FRMD6: variants seen among roughly 807,000 people sequenced by gnomAD.
FRMD6 encodes the protein FERM domain-containing protein 6.
FRMD6 carries 37 observed loss-of-function variants against 73.2 expected under a neutral mutation model. The observed-to-expected ratio is 0.51, with a 90% CI of 0.39 to 0.66. The LOEUF (loss-of-function observed/expected upper bound fraction) is 0.66, where lower values mean the gene tolerates loss of function less well. Ranked by LOEUF, FRMD6 falls within the 30% of genes least tolerant of loss-of-function variation. FRMD6 has a pLI of 0.00. For synonymous variants in FRMD6, 273 were observed against 282.2 expected, an observed-to-expected ratio of 0.97 and a Z score of 0.33; for missense variants, 714 against 780.5, an observed-to-expected ratio of 0.91 and a Z score of 1.02.
At chr14:51,670,308 G>A (rs1172782493) in intron 1 of FRMD6, among the ~76,000 whole-genome samples, 4 of 152,072 alleles carry the variant, frequency 2.6e-5, no homozygotes, top group African/African-American at 9.7e-5. Flanking sequence ...GGCCTCAAGT[G>A]CTCCTCCCAC....
intron 1 of FRMD6, among the ~76,000 whole-genome samples, chr14:51,537,866 T>C (rs902053138): frequency 1.3e-5 from 2 of 152,218 alleles, no homozygotes; most frequent in Admixed American, 1.3e-4. Context: ...CGTTTTTTAT[T>C]GCTGACTTTT....
At chr14:51,680,152 A>G (rs1894699470) in intron 1 of FRMD6, among the ~76,000 whole-genome samples, 1 of 152,192 alleles carries the variant, frequency 6.6e-6, no homozygotes, top group South Asian at 2.1e-4. Flanking sequence ...GAAAAGCCTT[A>G]TATTTCAGGA....
intron 2 of FRMD6, among the ~76,000 whole-genome samples, chr14:51,579,515 T>A (rs1053176850): frequency 6.6e-6 from 1 of 152,198 alleles, no homozygotes; most frequent in Non-Finnish European, 1.5e-5. Flanking sequence ...TCACCAATAA[T>A]GTGTTTATTT....
At chr14:51,590,062 C>CAAAAAAAAA (rs529602796) in intron 2 of FRMD6, among the ~76,000 whole-genome samples, 1 of 82,586 alleles carries the variant, frequency 1.2e-5, no homozygotes, top group Non-Finnish European at 2.9e-5. Flanking sequence ...GAGCGAAACT[C>CAAAAAAAAA]AAAAAAAAAA....
At position 51,728,370 on chromosome 14, in the gene FRMD6, C is replaced by CG; in HGVS notation, c.*341_*342insG. ...TTTAGTTCAGTTACATGTAACATCA[C>CG]ATTTTTTTATCACGTGAAAGATGTT... On this transcript the variant is annotated 3_prime_UTR_variant, in exon 14 of 14. Transcript: ENST00000344768. 2 of 197,742 alleles carry CG rather than the reference C, an allele frequency of 1.0e-5. No homozygotes were observed. Among genetic ancestry groups the CG allele is most frequent in the Admixed American group, 1.1e-4 (2 of 17,758 alleles). 12.2% of individuals were successfully genotyped at this position (197,742 alleles called of 1,614,324 possible).
intron 1 of FRMD6, among the ~76,000 whole-genome samples, chr14:51,558,079 G>A (rs1476435665): frequency 6.6e-6 from 1 of 152,086 alleles, no homozygotes; most frequent in African/African-American, 2.4e-5. Context: ...CAATTGTATA[G>A]TTGTCTTTTA....
chr14:51,462,920 G>A, the FRMD6 span, among the ~76,000 whole-genome samples: 1 of 152,194 alleles, frequency 6.6e-6, no homozygotes, highest in Non-Finnish European at 1.5e-5. Context: ...GTGACATTAA[G>A]CAAGTAACTG....
At chr14:51,458,417 A>C in the FRMD6 span, among the ~76,000 whole-genome samples, 1 of 152,166 alleles carries the variant, frequency 6.6e-6, no homozygotes, top group African/African-American at 2.4e-5. Context: ...TCTTATCTTC[A>C]AGCTGTTCAG....
chr14:51,414,934 A>G, the FRMD6 span, among the ~76,000 whole-genome samples: 2 of 152,144 alleles, frequency 1.3e-5, no homozygotes, highest in Admixed American at 6.5e-5. Flanking sequence ...GAGTTCACTC[A>G]TGATTTGGCT....
chr14:51,582,217 T>C (rs1888765262), intron 2 of FRMD6, among the ~76,000 whole-genome samples: 1 of 152,208 alleles, frequency 6.6e-6, no homozygotes, highest in South Asian at 2.1e-4. Flanking sequence ...TTGGTTTGTT[T>C]ATGTGGGGAA....
chr14:51,679,061 T>C (rs2140290532), intron 1 of FRMD6, among the ~76,000 whole-genome samples: 1 of 152,250 alleles, frequency 6.6e-6, no homozygotes, highest in South Asian at 2.1e-4. Context: ...CCTGTGGATG[T>C]GCTGAACTGT....
At chr14:51,442,691 T>C in the FRMD6 span, among the ~76,000 whole-genome samples, 2 of 152,248 alleles carry the variant, frequency 1.3e-5, no homozygotes, top group South Asian at 2.1e-4. Context: ...AGGAAATGTT[T>C]GTTGACATAT....
intron 1 of FRMD6, among the ~76,000 whole-genome samples, chr14:51,555,308 A>G (rs189847014): frequency 6.6e-6 from 1 of 152,354 alleles, no homozygotes; most frequent in Non-Finnish European, 1.5e-5. Context: ...CAGTTAGTTC[A>G]CATTGTAAAT....
At chr14:51,428,634 A>G in the FRMD6 span, among the ~76,000 whole-genome samples, 5 of 152,080 alleles carry the variant, frequency 3.3e-5, no homozygotes, top group South Asian at 2.1e-4. Context: ...GGGTGAGTGA[A>G]CTTTGAATGT....
rs1898174933 is a variant in FRMD6 at position 51,729,950 on chromosome 14, A to C, written c.*1921A>C. On this transcript the variant is annotated 3_prime_UTR_variant, in exon 14 of 14. Transcript: ENST00000344768. ...TGTATGGAAGTATCTCAGTCTCTGC[A>C]TAAGAGGATTAAAGTATGAAAGGAT... 1 of 152,700 alleles carries C rather than the reference A, an allele frequency of 6.5e-6. No individual in the cohort carries two copies. Among genetic ancestry groups the C allele is most frequent in the Non-Finnish European group, 1.5e-5 (1 of 68,044 alleles). The allele number at this position is 152,700 out of a possible 1,614,324, so 9.5% of individuals were successfully genotyped here. A position where few individuals can be genotyped will look rare whatever the true frequency, so the allele number is the denominator to read the frequency against.
chr14:51,629,615 C>G (rs949108878), intron 2 of FRMD6, among the ~76,000 whole-genome samples: 2 of 152,116 alleles, frequency 1.3e-5, no homozygotes, highest in African/African-American at 4.8e-5. Context: ...GTAACAGACC[C>G]TTTGATGTCT....
intron 1 of FRMD6, among the ~76,000 whole-genome samples, chr14:51,493,059 G>T (rs1424574450): frequency 6.6e-6 from 1 of 152,168 alleles, no homozygotes; most frequent in Non-Finnish European, 1.5e-5. Context: ...CTCAGAAGAT[G>T]CTGCTGGGTT....
intron 1 of FRMD6, among the ~76,000 whole-genome samples, chr14:51,493,114 C>T (rs1233129493): frequency 6.6e-6 from 1 of 152,158 alleles, no homozygotes; most frequent in Non-Finnish European, 1.5e-5. Context: ...GTTTCCTCCT[C>T]ATCTCAAAGA....
chr14:51,707,956 T>C (rs563068443), intron 6 of FRMD6, 122 bp from the exon 7 acceptor site: 40 of 837,956 alleles, frequency 4.8e-5, no homozygotes, highest in Non-Finnish European at 7.5e-5. Flanking sequence ...GAATTTTCAA[T>C]GCAAACCAAC....
Sources: allele counts gnomAD v4.1 joint callset (sites outside exome capture counted in the v4.1 genomes callset), GRCh38; gene constraint gnomAD v4.1.1; transcripts MANE v1.5; gene names NCBI Gene and HGNC (gene_info 2026-07-23, HGNC 2026-07-21).